The following ZFPM1 variants were observed in gnomAD, a reference collection of about 807,000 sequenced individuals.
The protein encoded by ZFPM1 is zinc finger protein, FOG family member 1, also known as zinc finger protein ZFPM1.
ZFPM1 carries 28 observed loss-of-function variants against 46.3 expected under a neutral mutation model. The observed-to-expected ratio is 0.60, with a 90% CI of 0.45 to 0.83. The LOEUF is 0.83. Among genes scored for constraint, ZFPM1 ranks in the 40% least tolerant of loss-of-function variants. The pLI is 0.00. For synonymous variants in ZFPM1, 957 were observed against 675.9 expected (o/e 1.42, Z -6.45); for missense variants, 1,878 against 1,432.4 (o/e 1.31, Z -5.02).
intron 4 of ZFPM1, among the ~76,000 whole-genome samples, chr16:88,525,372 T>A (rs1026091183): frequency 1.3e-5 from 2 of 152,160 alleles, no homozygotes; most frequent in East Asian, 3.9e-4. Context: ...CATGGCAGGG[T>A]TGGGCTGACT....
Position 88,534,549 on chromosome 16 carries a change from C to T in ZFPM1, c.2591C>T (p.Pro864Leu). The T allele has an allele frequency of 1.5e-6, 2 of 1,362,674 alleles. No individual in the cohort carries two copies. Among genetic ancestry groups the T allele is most frequent in the South Asian group, 1.6e-5 (1 of 63,608 alleles). 84.4% of individuals were successfully genotyped at this position (1,362,674 alleles called of 1,614,324 possible). A position where few individuals can be genotyped will look rare whatever the true frequency, so the allele number is the denominator to read the frequency against. The change falls in exon 10 of 10, where the codon CCG becomes CTG. Residue 864 changes from proline (P) to leucine (L), a missense_variant. Coordinates refer to ENST00000319555, the MANE Select transcript of ZFPM1 (RefSeq NM_153813.3). ...AACPYCPPNG[P>L]VRGDLLEHFR... is the part of the protein sequence containing the mutation. ...TGCCCCTACTGCCCCCCGAACGGCC[C>T]GGTGCGCGGGGACCTGCTGGAGCAT...
chr16:88,525,264 G>A (rs1362998330), intron 4 of ZFPM1, among the ~76,000 whole-genome samples: 3 of 152,210 alleles, frequency 2.0e-5, no homozygotes, highest in Non-Finnish European at 2.9e-5. Context: ...ACGCGTGCTG[G>A]CAAAGTCCAG....
At chr16:88,494,694 G>A (rs1181246289) in intron 3 of ZFPM1, among the ~76,000 whole-genome samples, 1 of 152,118 alleles carries the variant, frequency 6.6e-6, no homozygotes, top group African/African-American at 2.4e-5. Context: ...GGGGCGAGGC[G>A]GGCGTGGACA....
intron 5 of ZFPM1, among the ~76,000 whole-genome samples, chr16:88,527,343 GC>G (rs1044358843): frequency 2.3e-4 from 35 of 152,338 alleles, no homozygotes; most frequent in Non-Finnish European, 2.8e-4. Context: ...GGTCAAGGTG[GC>G]CGTCCAGGAA....
intron 4 of ZFPM1, among the ~76,000 whole-genome samples, chr16:88,517,937 G>A (rs1265746840): frequency 2.0e-5 from 3 of 151,918 alleles, no homozygotes; most frequent in East Asian, 1.9e-4. Context: ...GAGGCCAGGC[G>A]CAGTGGCTCA....
intron 1 of ZFPM1, among the ~76,000 whole-genome samples, chr16:88,468,272 G>T (rs532179313): frequency 6.6e-6 from 1 of 151,932 alleles, no homozygotes; most frequent in Non-Finnish European, 1.5e-5. Flanking sequence ...CGAGCCCACT[G>T]CCTGCGGCGC....
At chr16:88,516,493 C>T in intron 4 of ZFPM1, 1 of 398,616 alleles carries the variant, frequency 2.5e-6, no homozygotes, top group African/African-American at 2.1e-5. Context: ...AGCCCCCGCT[C>T]CACTCTTCCC....
At chr16:88,468,132 G>A (rs552095554) in intron 1 of ZFPM1, among the ~76,000 whole-genome samples, 103 of 110,702 alleles carry the variant, frequency 9.3e-4, no homozygotes, top group South Asian at 1.8e-3. Context: ...TCACGCACCC[G>A]CGAGCCCACT....
At chr16:88,498,678 C>T (rs375527182) in intron 3 of ZFPM1, among the ~76,000 whole-genome samples, 2 of 152,198 alleles carry the variant, frequency 1.3e-5, no homozygotes, top group South Asian at 2.1e-4. Context: ...AGGCCGAGGG[C>T]GCAGTCCCGG....
At chr16:88,498,476 A>G (rs1329233657) in intron 3 of ZFPM1, among the ~76,000 whole-genome samples, 3 of 152,194 alleles carry the variant, frequency 2.0e-5, no homozygotes, top group Non-Finnish European at 2.9e-5. Context: ...TGTTCATTCA[A>G]CCAGCGTGTG....
Position 88,510,480 on chromosome 16 carries a change from T to C in ZFPM1, c.269-3907T>C, listed in dbSNP as rs77295409. Reference sequence around the variant, plus strand: ...CATATAAATATGCAATGGCTGGAACTTCTCATTTGGTTCCTCGCAGATGCC... The same window carrying C: ...CATATAAATATGCAATGGCTGGAACCTCTCATTTGGTTCCTCGCAGATGCC... On this transcript the variant is annotated intron_variant, in intron 3 of 9. Coordinates refer to ENST00000319555, the MANE Select transcript of ZFPM1 (RefSeq NM_153813.3). Among the ~76,000 whole-genome samples, 149 of 152,350 alleles carry C rather than the reference T, an allele frequency of 9.8e-4. 2 individuals are homozygous for C. Among genetic ancestry groups the C allele is most frequent in the Admixed American group, 7.0e-3 (107 of 15,306 alleles).
At chr16:88,499,985 C>T (rs926041768) in intron 3 of ZFPM1, among the ~76,000 whole-genome samples, 5 of 152,206 alleles carry the variant, frequency 3.3e-5, no homozygotes, top group South Asian at 2.1e-4. Flanking sequence ...GGGCGGGGGC[C>T]GGGCCTGGCT....
At chr16:88,489,551 G>A (rs1251542355) in intron 3 of ZFPM1, among the ~76,000 whole-genome samples, 3 of 152,230 alleles carry the variant, frequency 2.0e-5, no homozygotes, top group East Asian at 1.9e-4. Flanking sequence ...TCAGAGCTGT[G>A]CTGAGGTGCC....
chr16:88,532,257 G>A (rs770667617), intron 7 of ZFPM1, 22 bp downstream of exon 7: 6 of 1,566,908 alleles, frequency 3.8e-6, no homozygotes, highest in South Asian at 3.5e-5. Flanking sequence ...CCCCGGACGC[G>A]GGTCCTCAGG....
At chr16:88,519,153 A>AG (rs1911608013) in intron 4 of ZFPM1, among the ~76,000 whole-genome samples, 3 of 80,524 alleles carry the variant, frequency 3.7e-5, no homozygotes, top group South Asian at 4.9e-4. Context: ...TGGATGGATG[A>AG]TGGGTGGATG....
intron 3 of ZFPM1, among the ~76,000 whole-genome samples, chr16:88,506,652 C>A (rs1910677007): frequency 6.6e-6 from 1 of 152,116 alleles, no homozygotes; most frequent in Non-Finnish European, 1.5e-5. Context: ...GGTTTTTCAA[C>A]AGCAAAGCTG....
chr16:88,473,680 C>G (rs1043411806), intron 1 of ZFPM1, among the ~76,000 whole-genome samples: 3 of 152,146 alleles, frequency 2.0e-5, no homozygotes, highest in African/African-American at 7.2e-5. Context: ...TATCACCCAT[C>G]TGGGGAGGGG....
intron 3 of ZFPM1, among the ~76,000 whole-genome samples, chr16:88,499,986 G>A (rs879512950): frequency 1.5e-4 from 23 of 152,338 alleles, no homozygotes; most frequent in Admixed American, 8.5e-4. Flanking sequence ...GGCGGGGGCC[G>A]GGCCTGGCTG....
chr16:88,456,105 C>G (rs573447148), intron 1 of ZFPM1, among the ~76,000 whole-genome samples: 1 of 152,244 alleles, frequency 6.6e-6, no homozygotes, highest in Non-Finnish European at 1.5e-5. Flanking sequence ...GGCGTCCCTG[C>G]GCTGGTCTGT....
Sources: gnomAD v4.1 joint callset for allele counts (sites outside exome capture counted in the v4.1 genomes callset) on GRCh38, gnomAD v4.1.1 for gene constraint, MANE v1.5 for transcripts, NCBI Gene and HGNC (gene_info 2026-07-23, HGNC 2026-07-21) for gene names.